Variants in SLC12A8 observed in about 807,000 individuals in gnomAD.
The protein encoded by SLC12A8 is cation-chloride cotransporter 9.
In SLC12A8, 69 loss-of-function variants were observed where a neutral mutation model predicts 75.6. The ratio of observed to expected loss-of-function variants is 0.91; its 90% CI spans 0.75 to 1.11. The LOEUF is 1.11. Among genes scored for constraint, SLC12A8 ranks in the 50% most tolerant of loss-of-function variants. The probability of loss-of-function intolerance (pLI) is 0.00; values close to 1 mark genes in which losing one functional copy is unlikely to be tolerated. For synonymous variants in SLC12A8, 365 were observed against 372.8 expected (o/e 0.98, Z 0.24); for missense variants, 877 against 896.7 (o/e 0.98, Z 0.28).
At chr3:125,195,595 G>T (rs1037693648) in intron 2 of SLC12A8, among the ~76,000 whole-genome samples, 14 of 147,328 alleles carry the variant, frequency 9.5e-5, no homozygotes, top group East Asian at 2.0e-4. Flanking sequence ...TCAATCTGTT[G>T]TTTTTTTTTT....
chr3:125,153,331 C>T (rs1247110434), intron 5 of SLC12A8, among the ~76,000 whole-genome samples: 3 of 152,192 alleles, frequency 2.0e-5, no homozygotes, highest in South Asian at 2.1e-4. Flanking sequence ...CTCAGCACCG[C>T]GTGCCATCAA....
At chr3:125,136,655 C>T (rs765219689) in intron 5 of SLC12A8, among the ~76,000 whole-genome samples, 3 of 152,228 alleles carry the variant, frequency 2.0e-5, no homozygotes, top group Non-Finnish European at 4.4e-5. Context: ...GGACACATCT[C>T]GCTTCCACAC....
rs543707596 is a variant in SLC12A8, at chr3:125,102,365, T to G, written c.1705+5116A>C. On this transcript the variant is annotated intron_variant, in intron 10 of 13. Coordinates refer to ENST00000469902, the MANE Select transcript of SLC12A8 (RefSeq NM_024628.6). ...ACAGTGCATGGGTTGTCATGAGAAGTGTGGCCAGGAACGTAGGTTAGGGCT... is the reference window on the plus strand; with the variant it reads ...ACAGTGCATGGGTTGTCATGAGAAGGGTGGCCAGGAACGTAGGTTAGGGCT... Among the ~76,000 whole-genome samples the G allele has an allele frequency of 8.7e-4, 133 of 152,246 alleles. 1 individual carries two copies. Among genetic ancestry groups the G allele is most frequent in the African/African-American group, 3.2e-3 (131 of 41,558 alleles).
intron 9 of SLC12A8, among the ~76,000 whole-genome samples, chr3:125,108,861 A>G (rs1436344863): frequency 6.6e-6 from 1 of 152,206 alleles, no homozygotes; most frequent in Admixed American, 6.5e-5. Flanking sequence ...GAATTCTGAC[A>G]CTAATTCTGA....
At chr3:125,198,270 C>CA (rs56825548) in intron 2 of SLC12A8, among the ~76,000 whole-genome samples, 23 of 137,808 alleles carry the variant, frequency 1.7e-4, no homozygotes, top group Non-Finnish European at 3.1e-4. Flanking sequence ...AAAAAAAAAA[C>CA]AAAACAGTCA....
In SLC12A8 at chr3:125,107,652, G is replaced by A. The variant is rs951572133; in HGVS notation, c.1534C>T (p.Pro512Ser). The A allele has an allele frequency of 6.2e-7, 1 of 1,614,070 alleles. No individual in the cohort carries two copies. Among genetic ancestry groups the A allele is most frequent in the Non-Finnish European group, 8.5e-7 (1 of 1,180,038 alleles). ...QDSFLLDLKS[P>S]PSFPVEISDR... is the part of the protein sequence containing the mutation. ...GAGATCTCGACAGGGAAAGAAGGAG[G>A]GGATTTGAGGTCCAAGAGGAAGCTA... The change falls in exon 10 of 14, where the codon CCT becomes TCT. Residue 512 changes from proline to serine, a missense_variant. Transcript: ENST00000469902.
chr3:125,110,522 A>G, intron 8 of SLC12A8, 187 bp from the exon 9 acceptor site: 1 of 515,088 alleles, frequency 1.9e-6, no homozygotes. Flanking sequence ...TGAATCCACC[A>G]CCACATTTCA....
intron 6 of SLC12A8, among the ~76,000 whole-genome samples, chr3:125,125,243 G>T (rs943330186): frequency 6.6e-6 from 1 of 151,926 alleles, no homozygotes; most frequent in East Asian, 1.9e-4. Context: ...TTCTTGGCGG[G>T]CTTCCAAAAA....
At chr3:125,175,792 A>C (rs1384945897) in intron 5 of SLC12A8, among the ~76,000 whole-genome samples, 2 of 150,652 alleles carry the variant, frequency 1.3e-5, no homozygotes, top group South Asian at 2.1e-4. Context: ...CTTCCTGGAG[A>C]TGCGTCAAAT....
chr3:125,145,923 G>A (rs756567465), intron 5 of SLC12A8, among the ~76,000 whole-genome samples: 22 of 152,090 alleles, frequency 1.4e-4, no homozygotes, highest in Non-Finnish European at 2.9e-4. Flanking sequence ...CACCTCCCAC[G>A]GCTCAAGTGA....
chr3:125,167,136 C>T (rs1934307404), intron 5 of SLC12A8, among the ~76,000 whole-genome samples: 1 of 151,926 alleles, frequency 6.6e-6, no homozygotes, highest in African/African-American at 2.4e-5. Context: ...AAGCATTCAT[C>T]AGTACATTTT....
chr3:125,110,179 G>A lies in SLC12A8; in HGVS notation c.1059+10C>T, dbSNP rs368596339. On this transcript the variant is annotated intron_variant, in intron 9 of 13. Transcript: ENST00000469902. ...TTCAAAAAACAAACCAAAAAAAGAG[G>A]ATTACTCACCCCTTGTCCCAGACAG... 8.3e-5 allele frequency: 134 copies of A among 1,605,170 alleles called. 2 individuals are homozygous for A. The highest frequency in any genetic ancestry group is 3.2e-4 in the South Asian group (29 of 90,330).
intron 10 of SLC12A8, among the ~76,000 whole-genome samples, chr3:125,095,654 C>T (rs1382440749): frequency 6.6e-6 from 1 of 152,166 alleles, no homozygotes; most frequent in Non-Finnish European, 1.5e-5. Context: ...CTTCTCTGTG[C>T]ACTTTCCCCT....
intron 5 of SLC12A8, among the ~76,000 whole-genome samples, chr3:125,140,918 T>C (rs1363650445): frequency 2.0e-5 from 3 of 152,074 alleles, no homozygotes; most frequent in Non-Finnish European, 2.9e-5. Context: ...TTTTTTGACC[T>C]CAGAAGAGTC....
Position 125,091,496 on chromosome 3 carries a change from C to A in SLC12A8, c.1864G>T (p.Gly622Cys), listed in dbSNP as rs748509479. 1 of 1,613,954 alleles carries A rather than the reference C, an allele frequency of 6.2e-7. No individual in the cohort carries two copies. Among genetic ancestry groups the A allele is most frequent in the South Asian group, 1.1e-5 (1 of 91,072 alleles). Residue 622 changes from glycine (G) to cysteine (C), a missense_variant, in exon 12 of 14, where the codon GGT becomes TGT. By Grantham distance (159) the Gly-to-Cys change is radical. Transcript: ENST00000469902. ...TAGAAATACACGATGGCAGCAACAC[C>A]CATGTTAACCAGGGTATACACCCAC... ...IQWVYTLVNM[G>C]VAAIVYFYIG...
At position 125,091,550 on chromosome 3, in the gene SLC12A8, C is replaced by A. The variant is rs267599587; in HGVS notation, c.1810G>T (p.Gly604Trp). 2.5e-6 allele frequency: 4 copies of A among 1,610,634 alleles called. No homozygotes were observed. The highest frequency in any genetic ancestry group is 3.4e-6 in the Non-Finnish European group (4 of 1,176,886). Reference protein sequence around the residue: ...NPWVSLLGAVGSLLIMFVIQW... With the variant: ...NPWVSLLGAVWSLLIMFVIQW... ...ATCACAAACATGATGAGAAGGGACC[C>A]AACAGCCTGTGAAAACAGAGTAGGA... Residue 604 changes from glycine to tryptophan, a missense_variant, in exon 12 of 14, where the codon GGG (glycine) becomes TGG (tryptophan). By Grantham distance (184) the Gly-to-Trp change is radical (BLOSUM62 -2). Transcript: ENST00000469902.
intron 6 of SLC12A8, among the ~76,000 whole-genome samples, chr3:125,128,479 C>CTT (rs34392392): frequency 5.5e-5 from 6 of 109,828 alleles, no homozygotes; most frequent in African/African-American, 9.3e-5. Flanking sequence ...CGCGCCCGGC[C>CTT]TTTTTTTTTT....
rs765973822 is a variant in SLC12A8, at chr3:125,092,170, T to C, written c.1734A>G (p.Glu578=). 2 of 1,612,884 alleles carry C rather than the reference T, an allele frequency of 1.2e-6. No homozygotes were observed. Among genetic ancestry groups the C allele is most frequent in the Non-Finnish European group, 1.7e-6 (2 of 1,179,138 alleles). The change falls in exon 11 of 14, where the codon GAA becomes GAG. Residue 578 remains glutamate (E), a synonymous_variant. Transcript: ENST00000469902. ...AAGTGGATCTTCTCCAGACATCTTG[T>C]TCTTGGAGCCTGGACTTCAGGAAGA... ...EDFFLKSRLQ[E]QDVWRRSTSF...
intron 3 of SLC12A8, among the ~76,000 whole-genome samples, chr3:125,189,112 C>T (rs906113677): frequency 2.6e-5 from 4 of 152,136 alleles, no homozygotes; most frequent in African/African-American, 9.7e-5. Context: ...ATCAGTTGAC[C>T]TTAAGTAAAG....
Sources: gnomAD v4.1 joint callset for allele counts (sites outside exome capture counted in the v4.1 genomes callset) on GRCh38, gnomAD v4.1.1 for gene constraint, MANE v1.5 for transcripts, NCBI Gene and HGNC (gene_info 2026-07-23, HGNC 2026-07-21) for gene names.